The following KCNMA1 variants were observed in gnomAD, a reference collection of about 807,000 sequenced individuals.
KCNMA1 encodes Calcium-activated potassium channel subunit alpha-1.
In KCNMA1, 29 loss-of-function variants were observed where a neutral mutation model predicts 140.0. The ratio of observed to expected loss-of-function variants is 0.21; its 90% CI spans 0.15 to 0.28. The LOEUF is 0.28. Ranked by LOEUF, KCNMA1 falls within the 10% of genes least tolerant of loss-of-function variation. KCNMA1 has a pLI of 1.00. For synonymous variants in KCNMA1, 612 were observed against 611.9 expected (o/e 1.00, Z 0.00); for missense variants, 880 against 1,602.2 (o/e 0.55, Z 7.70).
At chr10:77,540,263 A>T (rs2059871916) in intron 1 of KCNMA1, among the ~76,000 whole-genome samples, 1 of 152,210 alleles carries the variant, frequency 6.6e-6, no homozygotes, top group Non-Finnish European at 1.5e-5. Context: ...AATAAGGCAA[A>T]GCTGGGGTGT....
chr10:77,498,605 A>C (rs1275709608), intron 1 of KCNMA1: 1 of 152,220 alleles, frequency 6.6e-6, no homozygotes, highest in Non-Finnish European at 1.5e-5. Context: ...GGTCTCTGCA[A>C]GGCTTCACTT....
intron 23 of KCNMA1, among the ~76,000 whole-genome samples, chr10:76,921,592 A>C (rs2055802510): frequency 6.6e-6 from 1 of 152,204 alleles, no homozygotes; most frequent in Non-Finnish European, 1.5e-5. Flanking sequence ...TTAATCTATT[A>C]AGCTCCAATA....
exon 30 of KCNMA1, chr10:76,877,829 G>A: frequency 6.2e-7 from 1 of 1,606,494 alleles, no homozygotes; most frequent in Non-Finnish European, 8.5e-7. Context: ...GGGTACTCAT[G>A]GGCTTGATTT....
At chr10:76,934,235 G>A (rs780460158) in intron 23 of KCNMA1, among the ~76,000 whole-genome samples, 1 of 152,224 alleles carries the variant, frequency 6.6e-6, no homozygotes, top group African/African-American at 2.4e-5. Context: ...GCCCCCCAGT[G>A]TGCTGGGATT....
intron 2 of KCNMA1, among the ~76,000 whole-genome samples, chr10:77,334,738 G>A (rs1481076036): frequency 6.6e-6 from 1 of 152,104 alleles, no homozygotes; most frequent in Non-Finnish European, 1.5e-5. Context: ...CTGTCTGACA[G>A]AAATATAATA....
intron 5 of KCNMA1, among the ~76,000 whole-genome samples, chr10:77,171,386 C>CGTGTGTGTGT (rs371170620): frequency 7.3e-6 from 1 of 137,050 alleles, no homozygotes; most frequent in Non-Finnish European, 1.5e-5. Context: ...AGTACGTGTG[C>CGTGTGTGTGT]GTGTGTGTGT....
chr10:77,560,889 T>A (rs1165668512), intron 1 of KCNMA1, among the ~76,000 whole-genome samples: 1 of 152,210 alleles, frequency 6.6e-6, no homozygotes, highest in Non-Finnish European at 1.5e-5. Flanking sequence ...AAGCTGAGGC[T>A]CCAGCAAACA....
chr10:76,918,729 C>T (rs569945607), intron 23 of KCNMA1, among the ~76,000 whole-genome samples: 5 of 152,158 alleles, frequency 3.3e-5, no homozygotes, highest in Admixed American at 2.6e-4. Context: ...TCCAGCAATC[C>T]CACCACTGGT....
intron 5 of KCNMA1, among the ~76,000 whole-genome samples, chr10:77,177,009 G>A (rs566996666): frequency 2.0e-5 from 3 of 152,140 alleles, no homozygotes; most frequent in Non-Finnish European, 4.4e-5. Context: ...GATGCAAGGT[G>A]GGGATGCACC....
chr10:76,897,972 T>C, intron 25 of KCNMA1, among the ~76,000 whole-genome samples: 1 of 151,672 alleles, frequency 6.6e-6, no homozygotes, highest in South Asian at 2.1e-4. Flanking sequence ...GAGTTAAAAA[T>C]AGAATGGAAA....
downstream of KCNMA1, chr10:76,872,812 A>G (rs2031617662): frequency 6.6e-6 from 1 of 152,206 alleles, no homozygotes; most frequent in African/African-American, 2.4e-5. Context: ...CTTTCAACCC[A>G]AAGAACTACT....
intron 19 of KCNMA1, among the ~76,000 whole-genome samples, chr10:76,971,974 G>GGTGTGTGTGT (rs57558756): frequency 4.8e-4 from 72 of 148,892 alleles, no homozygotes; most frequent in African/African-American, 1.4e-3. Flanking sequence ...AGGGTGTGTG[G>GGTGTGTGTGT]GTGTGTGTGT....
At chr10:76,923,395 C>A (rs1224618255) in intron 23 of KCNMA1, among the ~76,000 whole-genome samples, 2 of 149,818 alleles carry the variant, frequency 1.3e-5, no homozygotes, top group Non-Finnish European at 2.9e-5. Flanking sequence ...CACCACTGCA[C>A]TCCAGCCTGG....
chr10:77,497,481 C>CCAAT (rs950687101), intron 1 of KCNMA1, among the ~76,000 whole-genome samples: 8 of 152,200 alleles, frequency 5.3e-5, no homozygotes, highest in Admixed American at 2.0e-4. Context: ...TGACAAAGAA[C>CCAAT]CAATGCTGCT....
intron 2 of KCNMA1, among the ~76,000 whole-genome samples, chr10:77,326,255 T>A (rs1450066769): frequency 6.6e-6 from 1 of 152,164 alleles, no homozygotes; most frequent in Non-Finnish European, 1.5e-5. Flanking sequence ...TCTCTGGAGC[T>A]TAGCTCAGGT....
rs1554921803 is a variant in KCNMA1 at position 76,920,020 on chromosome 10, G to GTATATGTATATA, written c.2903-4972_2903-4971insTATATACATATA. 1.5e-4 allele frequency among the ~76,000 whole-genome samples: 5 copies of GTATATGTATATA among 34,430 alleles called. No individual in the cohort carries two copies. The South Asian group carries it at 4.7e-3, about 32-fold the overall frequency. The allele number at this position is 34,430 out of a possible 152,430, so 22.6% of individuals were successfully genotyped here. ...TGTGTGTGTGTGTGTGTGTGTGTGT[G>GTATATGTATATA]TATATATATATATATATATATATAT... On this transcript the variant is annotated intron_variant, in intron 23 of 27. Transcript: ENST00000286628.
At chr10:77,162,324 T>A (rs1396005128) in intron 5 of KCNMA1, among the ~76,000 whole-genome samples, 1 of 152,218 alleles carries the variant, frequency 6.6e-6, no homozygotes, top group Non-Finnish European at 1.5e-5. Flanking sequence ...CCAAAAGGAT[T>A]CTGGAGGATT....
At chr10:77,268,018 C>G (rs908013855) in intron 2 of KCNMA1, among the ~76,000 whole-genome samples, 3 of 152,168 alleles carry the variant, frequency 2.0e-5, no homozygotes, top group African/African-American at 4.8e-5. Flanking sequence ...TCCCAGTTTG[C>G]TTGATGTCCT....
intron 20 of KCNMA1, among the ~76,000 whole-genome samples, chr10:76,955,820 G>A (rs1444735062): frequency 1.3e-5 from 2 of 152,150 alleles, no homozygotes; most frequent in Non-Finnish European, 2.9e-5. Flanking sequence ...CCATCATGGA[G>A]AAGAGGTTTG....
Sources: gnomAD v4.1 joint callset for allele counts (sites outside exome capture counted in the v4.1 genomes callset) on GRCh38, gnomAD v4.1.1 for gene constraint, MANE v1.5 for transcripts, NCBI Gene and HGNC (gene_info 2026-07-23, HGNC 2026-07-21) for gene names.